The following SERPINB4 variants were observed in gnomAD, a reference collection of about 807,000 sequenced individuals.
SERPINB4 encodes the protein serpin B4.
SERPINB4 carries 39 observed loss-of-function variants against 33.2 expected under a neutral mutation model. The ratio of observed to expected loss-of-function variants is 1.18; its 90% confidence interval spans 0.91 to 1.53. The LOEUF is 1.53. SERPINB4 is among the 40% of genes most tolerant of loss of function. The probability of loss-of-function intolerance (pLI) is 0.00; values close to 1 mark genes in which losing one functional copy is unlikely to be tolerated. For missense variants in SERPINB4, 564 were observed against 455.4 expected (o/e 1.24, Z -2.17); for synonymous variants, 191 against 166.4 (o/e 1.15, Z -1.14).
chr18:63,638,584 T>A (rs1247549534), intron 7 of SERPINB4, among the ~76,000 whole-genome samples: 2 of 151,980 alleles, frequency 1.3e-5, no homozygotes, highest in Non-Finnish European at 2.9e-5. Flanking sequence ...AAATTTGTAT[T>A]CCCTTTTCTA....
At chr18:63,641,041 A>G (rs771276876) in intron 4 of SERPINB4, 50 bp from the exon 5 acceptor site, 1 of 1,459,714 alleles carries the variant, frequency 6.9e-7, no homozygotes, top group Non-Finnish European at 9.6e-7. Context: ...TTATGTAACT[A>G]TATATTACCA....
chr18:63,640,365 CT>C (rs1913085604), intron 5 of SERPINB4, among the ~76,000 whole-genome samples: 1 of 151,990 alleles, frequency 6.6e-6, no homozygotes, highest in Non-Finnish European at 1.5e-5. Context: ...TTGTCAAGCT[CT>C]TTGCCCTTGA....
intron 4 of SERPINB4, 129 bp from the exon 5 acceptor site, chr18:63,641,120 G>T (rs1913115945): frequency 4.1e-6 from 3 of 731,986 alleles, no homozygotes; most frequent in Non-Finnish European, 6.8e-6. Context: ...TCCTGTCCAT[G>T]GATATTTTTA....
In SERPINB4 at chr18:63,637,715, G is replaced by T. The variant is rs761096806; in HGVS notation, c.*4C>A. The stretch of plus-strand genomic sequence containing the variant: ...TTCTAAATGGAGTGACAGACTAATT[G>T]CATCTATGGGGATGAGAATCTGCCA... On this transcript the variant is annotated 3_prime_UTR_variant, in exon 8 of 8. Coordinates refer to ENST00000341074, the MANE Select transcript of SERPINB4 (RefSeq NM_002974.4). 6.3e-7 allele frequency: 1 copy of T among 1,591,184 alleles called. No individual in the cohort carries two copies. The highest frequency in any genetic ancestry group is 1.2e-5 in the South Asian group (1 of 86,824).
intron 7 of SERPINB4, among the ~76,000 whole-genome samples, chr18:63,638,959 T>TATA (rs904523939): frequency 4.6e-5 from 7 of 151,782 alleles, no homozygotes; most frequent in Admixed American, 1.3e-4. Context: ...CTTAAAGTAT[T>TATA]ATAATAATAA....
chr18:63,640,785 C>T lies in SERPINB4; in HGVS notation c.469+89G>A, dbSNP rs945711323. On this transcript the variant is annotated intron_variant, in intron 5 of 7. Coordinates refer to ENST00000341074, the MANE Select transcript of SERPINB4 (RefSeq NM_002974.4). Reference sequence around the variant, plus strand: ...CCCTCCCTGCAAACCCATCTCAATCCCCACACCTGTTCCCCCATGCAGTGT... The same window carrying T: ...CCCTCCCTGCAAACCCATCTCAATCTCCACACCTGTTCCCCCATGCAGTGT... The T allele has an allele frequency of 1.1e-5, 12 of 1,129,084 alleles. No individual in the cohort carries two copies. In the African/African-American group the frequency reaches 1.7e-4, roughly 16 times the overall value. The allele number at this position is 1,129,084 out of a possible 1,614,324, so 69.9% of individuals were successfully genotyped here.
chr18:63,643,480 C>T lies in SERPINB4; in HGVS notation c.98G>A (p.Ser33Asn). The T allele has an allele frequency of 1.9e-6, 3 of 1,613,694 alleles. No individual in the cohort carries two copies. The East Asian group carries it at 6.7e-5, about 36-fold the overall frequency. ...GACCATCCCTAATGCTGATGTGATG[C>T]TGATAGGGGAATAGAAGATGTTGTT... ...KENNIFYSPI[S>N]ITSALGMVLL... Residue 33 changes from serine (S) to asparagine (N), a missense_variant, in exon 2 of 8, where the codon AGC (serine) becomes AAC (asparagine). Transcript: ENST00000341074.
chr18:63,642,570 T>C (rs1404425932), intron 3 of SERPINB4, among the ~76,000 whole-genome samples: 1 of 152,084 alleles, frequency 6.6e-6, no homozygotes, highest in Non-Finnish European at 1.5e-5. Context: ...CTTTCTACCT[T>C]CCAGCAAAGC....
At position 63,640,872 on chromosome 18, in the gene SERPINB4, A is replaced by G; in HGVS notation, c.469+2T>C. ...TGTTTCTATAATGGGTGGCTCTCCT[A>G]CCATTCGTTTGACTTTCCACCCAGG... On this transcript the variant is annotated splice_donor_variant, in intron 5 of 7. Transcript: ENST00000341074. LOFTEE classifies it high-confidence loss of function. 1 of 1,610,668 alleles carries G rather than the reference A, an allele frequency of 6.2e-7. No individual in the cohort carries two copies. The highest frequency in any genetic ancestry group is 8.5e-7 in the Non-Finnish European group (1 of 1,177,822).
At chr18:63,638,714 A>C (rs1913022620) in intron 7 of SERPINB4, among the ~76,000 whole-genome samples, 1 of 150,268 alleles carries the variant, frequency 6.7e-6, no homozygotes, top group South Asian at 2.1e-4. Flanking sequence ...TAAATTAATC[A>C]TTAACTAAGC....
rs2144461223 is a variant in SERPINB4 at position 63,637,872 on chromosome 18, T to C, written c.1020A>G (p.Gly340=). ...HKAFVEVTEE[G]VEAAAATAVV... ...CAGCGGTGGCAGCTGCAGCTTCCAC[T>C]CCCTCCTCAGTGACCTCCACAAAGG... The change falls in exon 8 of 8, where the codon GGA becomes GGG. Residue 340 remains glycine (G), a synonymous_variant. Coordinates refer to ENST00000341074, the MANE Select transcript of SERPINB4 (RefSeq NM_002974.4). 1.9e-6 allele frequency: 3 copies of C among 1,613,478 alleles called. No individual in the cohort carries two copies. Among genetic ancestry groups the C allele is most frequent in the Non-Finnish European group, 2.5e-6 (3 of 1,179,702 alleles).
In SERPINB4 at chr18:63,639,703, A is replaced by G; in HGVS notation, c.543T>C (p.Tyr181=). Residue 181 remains tyrosine (Y), a synonymous_variant, in exon 6 of 8, where the codon TAT becomes TAC. Transcript: ENST00000341074. The part of the protein sequence containing the change: ...DTTLVLVNAI[Y]FKGQWENKFK... ...ATTTATTCTCCCACTGCCCTTTGAAATAGATTGCGTTCACAAGAACCAGTG... is the reference window on the plus strand; with the variant it reads ...ATTTATTCTCCCACTGCCCTTTGAAGTAGATTGCGTTCACAAGAACCAGTG... 1 of 1,612,236 alleles carries G rather than the reference A, an allele frequency of 6.2e-7. No individual in the cohort carries two copies. Among genetic ancestry groups the G allele is most frequent in the Non-Finnish European group, 8.5e-7 (1 of 1,178,692 alleles).
At position 63,637,903 on chromosome 18, in the gene SERPINB4, T is replaced by C. The variant is rs1231611098; in HGVS notation, c.989A>G (p.His330Arg). ...SHGLSVSKVL[H>R]KAFVEVTEEG... ...CTCAGTGACCTCCACAAAGGCCTTG[T>C]GTAGGACTTTAGATACTGAGAGACC... Residue 330 changes from histidine (H) to arginine (R), a missense_variant, in exon 8 of 8, where the codon CAC becomes CGC. Physicochemically the swap from His to Arg is conservative, Grantham distance 29. Coordinates refer to ENST00000341074, the MANE Select transcript of SERPINB4 (RefSeq NM_002974.4). The C allele has an allele frequency of 1.2e-6, 2 of 1,613,556 alleles. No homozygotes were observed. Among genetic ancestry groups the C allele is most frequent in the Admixed American group, 1.7e-5 (1 of 59,862 alleles).
At chr18:63,643,339 A>G (rs564054373) in intron 2 of SERPINB4, 74 bp downstream of exon 2, 350 of 1,609,690 alleles carry the variant, frequency 2.2e-4, no homozygotes, top group Non-Finnish European at 2.8e-4. Flanking sequence ...CACCACATCT[A>G]TTACCATCTG....
Position 63,640,998 on chromosome 18 carries a change from G to A in SERPINB4, c.352-7C>T. On this transcript the variant is annotated splice_region_variant and splice_polypyrimidine_tract_variant and intron_variant, in intron 4 of 7. Coordinates refer to ENST00000341074, the MANE Select transcript of SERPINB4 (RefSeq NM_002974.4). ...TGATGGCATCTAAATATTCCTTTGA[G>A]ATATGAAGGAAGAAGTAGGAATTAG... The A allele has an allele frequency of 6.2e-7, 1 of 1,600,520 alleles. No individual in the cohort carries two copies.
intron 5 of SERPINB4, among the ~76,000 whole-genome samples, chr18:63,640,413 T>C (rs1166588952): frequency 1.3e-5 from 2 of 152,066 alleles, no homozygotes; most frequent in African/African-American, 4.8e-5. Context: ...GCAGAACACA[T>C]TGGCTACAGA....
intron 1 of SERPINB4, among the ~76,000 whole-genome samples, chr18:63,643,813 A>G (rs978711345): frequency 4.6e-5 from 7 of 152,266 alleles, no homozygotes; most frequent in African/African-American, 1.4e-4. Flanking sequence ...CTACGTTTTT[A>G]AAGACTATTG....
At chr18:63,638,818 G>C (rs1176423372) in intron 7 of SERPINB4, among the ~76,000 whole-genome samples, 3 of 104,652 alleles carry the variant, frequency 2.9e-5, no homozygotes, top group African/African-American at 1.1e-4. Flanking sequence ...TTGTGGGGTG[G>C]GGGGAGGGGG....
chr18:63,640,058 G>A (rs147300124), intron 5 of SERPINB4, among the ~76,000 whole-genome samples: 2 of 152,136 alleles, frequency 1.3e-5, no homozygotes, highest in Non-Finnish European at 2.9e-5. Context: ...CCAATCATCT[G>A]ATTTGGAATA....
Sources: gnomAD v4.1 joint callset for allele counts (sites outside exome capture counted in the v4.1 genomes callset) on GRCh38, gnomAD v4.1.1 for gene constraint, MANE v1.5 for transcripts, NCBI Gene and HGNC (gene_info 2026-07-23, HGNC 2026-07-21) for gene names.